KLHL13: variants seen among roughly 807,000 people sequenced by gnomAD.
KLHL13 encodes kelch like family member 13, also known as kelch-like protein 13.
In KLHL13, 10 loss-of-function variants were observed where a neutral mutation model predicts 37.1. The observed-to-expected ratio is 0.27, with a 90% CI of 0.17 to 0.46. KLHL13 has a LOEUF of 0.46. Among genes scored for constraint, KLHL13 ranks in the 20% least tolerant of loss-of-function variants. The probability of loss-of-function intolerance (pLI) is 1.00; values close to 1 mark genes in which losing one functional copy is unlikely to be tolerated. For synonymous variants in KLHL13, 163 were observed against 181.2 expected (o/e 0.90, Z 0.81); for missense variants, 360 against 509.3 (o/e 0.71, Z 2.82).
chrX:118,072,251 T>C (rs775552058), intron 1 of KLHL13, among the ~76,000 whole-genome samples: 13,204 of 106,160 alleles, frequency 0.12, 1,220 homozygotes, highest in African/African-American at 0.32. Context: ...ATTTAATAAA[T>C]GGTGCTGGGA....
chrX:117,957,064 T>C (rs1373439585), intron 1 of KLHL13, among the ~76,000 whole-genome samples: 1 of 111,392 alleles, frequency 9.0e-6, no homozygotes, highest in Non-Finnish European at 1.9e-5. Flanking sequence ...ACCAAAATTA[T>C]TTGACCACCT....
At chrX:117,938,156 T>C (rs1932871299) in intron 2 of KLHL13, among the ~76,000 whole-genome samples, 1 of 112,148 alleles carries the variant, frequency 8.9e-6, no homozygotes, top group Admixed American at 9.5e-5. Context: ...CCTGTTACTT[T>C]TTTTTAGTAT....
At chrX:118,111,536 T>C (rs1209311766) in intron 1 of KLHL13, among the ~76,000 whole-genome samples, 1 of 112,595 alleles carries the variant, frequency 8.9e-6, no homozygotes, top group African/African-American at 3.2e-5. Context: ...GGTGGGTGGA[T>C]CACCTGAGGT....
chrX:117,936,428 G>A (rs1016714696), intron 2 of KLHL13, among the ~76,000 whole-genome samples: 5 of 111,821 alleles, frequency 4.5e-5, no homozygotes, highest in African/African-American at 1.3e-4. Flanking sequence ...CAAGCCAACC[G>A]CCTGCTCAAG....
intron 4 of KLHL13, among the ~76,000 whole-genome samples, chrX:117,916,824 A>G (rs1202665862): frequency 8.9e-6 from 1 of 112,187 alleles, no homozygotes. Context: ...ATATCATTAA[A>G]AACATAAAGC....
intron 1 of KLHL13, among the ~76,000 whole-genome samples, chrX:118,107,530 G>C (rs1048075920): frequency 5.4e-5 from 6 of 112,078 alleles, no homozygotes; most frequent in Admixed American, 9.5e-5. Context: ...ACAAATCTAT[G>C]AAAATAATAA....
chrX:117,970,577 T>C (rs748305341), intron 1 of KLHL13, among the ~76,000 whole-genome samples: 5 of 111,621 alleles, frequency 4.5e-5, no homozygotes, highest in Non-Finnish European at 7.5e-5. Flanking sequence ...AATTATGCTA[T>C]ACTTAAGTAT....
At position 117,902,043 on chromosome X, in the gene KLHL13, T is replaced by C. The variant is rs565104479; in HGVS notation, c.1367-97A>G. 4.6e-4 allele frequency: 213 copies of C among 460,262 alleles called. 1 individual carries two copies. The South Asian group carries it at 7.5e-3, about 16-fold the overall frequency. The allele number at this position is 460,262 out of a possible 1,213,427, so 37.9% of individuals were successfully genotyped here. A position where few individuals can be genotyped will look rare whatever the true frequency, so the allele number is the denominator to read the frequency against. ...TGGAACAGTAATAATATCCAAACAC[T>C]TGAAACATATCTATTATAGCTATGA... On this transcript the variant is annotated intron_variant, in intron 5 of 6. Coordinates refer to ENST00000262820, the Ensembl canonical transcript of KLHL13.
intron 1 of KLHL13, among the ~76,000 whole-genome samples, chrX:117,987,274 T>C (rs373472302): frequency 9.0e-6 from 1 of 111,408 alleles, no homozygotes; most frequent in East Asian, 2.8e-4. Context: ...CAAAGATCCA[T>C]ATAATAAACA....
chrX:118,032,484 G>C (rs1031288518), intron 1 of KLHL13, among the ~76,000 whole-genome samples: 6 of 111,851 alleles, frequency 5.4e-5, no homozygotes, highest in Non-Finnish European at 1.1e-4. Context: ...GGGGCAGCCT[G>C]ACACCTCACA....
At chrX:118,006,672 C>T (rs1305236088) in intron 1 of KLHL13, among the ~76,000 whole-genome samples, 1 of 111,343 alleles carries the variant, frequency 9.0e-6, no homozygotes, top group Non-Finnish European at 1.9e-5. Flanking sequence ...GTGATTCAAG[C>T]ATATTATCTC....
intron 1 of KLHL13, among the ~76,000 whole-genome samples, chrX:118,041,728 T>C (rs1015873478): frequency 1.8e-5 from 2 of 111,367 alleles, no homozygotes; most frequent in Admixed American, 9.6e-5. Flanking sequence ...TCAAAAAACA[T>C]ATATCAGATA....
At chrX:117,957,324 C>G (rs1305727064) in intron 1 of KLHL13, among the ~76,000 whole-genome samples, 1 of 112,029 alleles carries the variant, frequency 8.9e-6, no homozygotes, top group Non-Finnish European at 1.9e-5. Context: ...TGAGTCACTG[C>G]TTGCCGAACA....
At chrX:118,034,544 G>C (rs1394426746) in intron 1 of KLHL13, among the ~76,000 whole-genome samples, 2 of 87,542 alleles carry the variant, frequency 2.3e-5, no homozygotes, top group Admixed American at 1.3e-4. Flanking sequence ...TGAAACCAAC[G>C]AGAACAAAGA....
At chrX:117,929,850 A>G (rs1419766051) in intron 2 of KLHL13, among the ~76,000 whole-genome samples, 1 of 107,579 alleles carries the variant, frequency 9.3e-6, no homozygotes, top group Non-Finnish European at 1.9e-5. Context: ...ATATAGTCCC[A>G]GCTACTCTGG....
intron 1 of KLHL13, among the ~76,000 whole-genome samples, chrX:118,064,771 C>T (rs180879228): frequency 1.8e-5 from 2 of 111,819 alleles, no homozygotes; most frequent in African/African-American, 3.2e-5. Context: ...GCTAGCCTCA[C>T]TACATATTTG....
chrX:118,015,998 T>C (rs1224223425), intron 1 of KLHL13, among the ~76,000 whole-genome samples: 1 of 111,704 alleles, frequency 9.0e-6, no homozygotes, highest in East Asian at 2.8e-4. Flanking sequence ...GATACCTTCA[T>C]TGAAAGTGAG....
At chrX:118,106,144 G>A (rs1000542048) in intron 1 of KLHL13, among the ~76,000 whole-genome samples, 3 of 105,210 alleles carry the variant, frequency 2.9e-5, no homozygotes, top group Non-Finnish European at 3.9e-5. Context: ...TGATCCGCCC[G>A]CTTTGGCCTC....
At chrX:118,089,702 G>A (rs974967535) in intron 1 of KLHL13, among the ~76,000 whole-genome samples, 6 of 109,039 alleles carry the variant, frequency 5.5e-5, no homozygotes, top group African/African-American at 1.0e-4. Context: ...AGAATCTTAC[G>A]ATATAATGCC....
Sources: gnomAD v4.1 joint callset for allele counts (sites outside exome capture counted in the v4.1 genomes callset) on GRCh38, gnomAD v4.1.1 for gene constraint, MANE v1.5 for transcripts, NCBI Gene and HGNC (gene_info 2026-07-23, HGNC 2026-07-21) for gene names.